The following ARHGAP44 variants were observed in gnomAD, a reference collection of about 807,000 sequenced individuals.
ARHGAP44 encodes the protein rho GTPase-activating protein 44.
In ARHGAP44, 43 loss-of-function variants were observed where a neutral mutation model predicts 106.8. The observed-to-expected ratio is 0.40, with a 90% CI of 0.32 to 0.52. The LOEUF is 0.52. Ranked by LOEUF, ARHGAP44 falls within the 20% of genes least tolerant of loss-of-function variation. The pLI, the probability that ARHGAP44 is intolerant of heterozygous loss-of-function variation, is 0.48. For synonymous variants in ARHGAP44, 439 were observed against 410.3 expected (o/e 1.07, Z -0.85); for missense variants, 866 against 1,050.5 (o/e 0.82, Z 2.43).
chr17:12,816,623 A>G (rs950188048), intron 1 of ARHGAP44, among the ~76,000 whole-genome samples: 1 of 152,228 alleles, frequency 6.6e-6, no homozygotes, highest in Non-Finnish European at 1.5e-5. Context: ...TTATTAATAT[A>G]TCAGATACAG....
chr17:12,901,896 ACT>A (rs2037385300), intron 3 of ARHGAP44, among the ~76,000 whole-genome samples: 1 of 151,696 alleles, frequency 6.6e-6, no homozygotes, highest in African/African-American at 2.4e-5. Flanking sequence ...AGCCCTGCTG[ACT>A]CTTCCTCCAA....
At chr17:12,984,981 G>C in intron 20 of ARHGAP44, 73 bp downstream of exon 20, 1 of 1,512,218 alleles carries the variant, frequency 6.6e-7, no homozygotes, top group South Asian at 1.3e-5. Flanking sequence ...GGGATTGCTA[G>C]TGTTACTGCC....
At chr17:12,847,588 A>T (rs2035606477) in intron 1 of ARHGAP44, among the ~76,000 whole-genome samples, 3 of 138,740 alleles carry the variant, frequency 2.2e-5, no homozygotes, top group South Asian at 4.4e-4. Flanking sequence ...ATCTCGGCTC[A>T]CTGCAAGCTC....
intron 20 of ARHGAP44, chr17:12,988,964 G>C (rs958298535): frequency 2.1e-4 from 32 of 150,934 alleles, no homozygotes; most frequent in African/African-American, 7.6e-4. Context: ...GGGCATGGTG[G>C]TGGGTGCCTG....
chr17:12,943,632 A>G lies in ARHGAP44; in HGVS notation c.696A>G (p.Leu232=), dbSNP rs760967746. The G allele has an allele frequency of 3.1e-6, 5 of 1,613,904 alleles. No individual in the cohort carries two copies. The highest frequency in any genetic ancestry group is 1.7e-6 in the Non-Finnish European group (2 of 1,179,868). ...QAEYHRKSLT[L]LQAVLPQIKA... is the part of the protein sequence containing the mutation. ...AATACCACAGGAAGTCCCTGACACT[A>G]TTGCAGGCTGTATTGCCTCAGATCA... The change falls in exon 9 of 21, where the codon CTA becomes CTG. Residue 232 remains leucine, a synonymous_variant. Transcript: ENST00000379672.
chr17:12,815,596 G>A (rs971342612), intron 1 of ARHGAP44, among the ~76,000 whole-genome samples: 1 of 152,182 alleles, frequency 6.6e-6, no homozygotes, highest in African/African-American at 2.4e-5. Context: ...CCAGTCAGGA[G>A]AAGATAAGAA....
chr17:12,842,849 T>C (rs987815864), intron 1 of ARHGAP44, among the ~76,000 whole-genome samples: 2 of 152,154 alleles, frequency 1.3e-5, no homozygotes, highest in African/African-American at 4.8e-5. Flanking sequence ...AGTCAGGTGG[T>C]ATGTGGAAAT....
At chr17:12,865,125 T>C (rs1056972293) in intron 1 of ARHGAP44, among the ~76,000 whole-genome samples, 2 of 152,212 alleles carry the variant, frequency 1.3e-5, no homozygotes, top group Non-Finnish European at 2.9e-5. Context: ...TGTATAGACA[T>C]TTCCTGGTGA....
At chr17:12,892,083 C>T (rs1296808049) in intron 1 of ARHGAP44, among the ~76,000 whole-genome samples, 1 of 152,350 alleles carries the variant, frequency 6.6e-6, no homozygotes, top group Admixed American at 6.5e-5. Flanking sequence ...AGCCACTGTG[C>T]CCAGCCTTTG....
chr17:12,883,064 TTTAA>T (rs1196973179), intron 1 of ARHGAP44, among the ~76,000 whole-genome samples: 1 of 151,946 alleles, frequency 6.6e-6, no homozygotes, highest in Non-Finnish European at 1.5e-5. Context: ...TGGAATGATG[TTTAA>T]TTACTGGTTT....
At chr17:12,832,242 G>C (rs1180336213) in intron 1 of ARHGAP44, among the ~76,000 whole-genome samples, 1 of 152,162 alleles carries the variant, frequency 6.6e-6, no homozygotes, top group Non-Finnish European at 1.5e-5. Context: ...GGAGTCAGGA[G>C]TGTTGATTGG....
At chr17:12,976,927 A>G (rs972792639) in intron 18 of ARHGAP44, among the ~76,000 whole-genome samples, 1 of 152,142 alleles carries the variant, frequency 6.6e-6, no homozygotes, top group Non-Finnish European at 1.5e-5. Context: ...TCCTTTTTGG[A>G]CACTCCTCAG....
At chr17:12,968,219 G>C (rs1220004916) in intron 16 of ARHGAP44, among the ~76,000 whole-genome samples, 1 of 152,130 alleles carries the variant, frequency 6.6e-6, no homozygotes, top group Non-Finnish European at 1.5e-5. Flanking sequence ...GCCACCTCGG[G>C]TGCTTGAATG....
chr17:12,819,745 C>A (rs2034708545), intron 1 of ARHGAP44, among the ~76,000 whole-genome samples: 1 of 151,982 alleles, frequency 6.6e-6, no homozygotes, highest in African/African-American at 2.4e-5. Context: ...CAATCCTTTG[C>A]TTATGCCAAA....
At chr17:12,987,406 T>C in intron 20 of ARHGAP44, 1 of 410,052 alleles carries the variant, frequency 2.4e-6, no homozygotes, top group Middle Eastern at 5.8e-4. Flanking sequence ...TTCCCCCACC[T>C]TCTCTTTCAC....
chr17:12,924,879 C>G (rs908554363), intron 6 of ARHGAP44, among the ~76,000 whole-genome samples: 1 of 152,196 alleles, frequency 6.6e-6, no homozygotes, highest in African/African-American at 2.4e-5. Context: ...TTAAGCCACC[C>G]AGTCTGTGGT....
chr17:12,879,338 G>C (rs1022342071), intron 1 of ARHGAP44, among the ~76,000 whole-genome samples: 7 of 152,162 alleles, frequency 4.6e-5, no homozygotes, highest in African/African-American at 1.7e-4. Context: ...ATTCCATGGT[G>C]TATATCACAT....
At chr17:12,832,519 T>G (rs888280473) in intron 1 of ARHGAP44, among the ~76,000 whole-genome samples, 1 of 152,232 alleles carries the variant, frequency 6.6e-6, no homozygotes, top group Non-Finnish European at 1.5e-5. Context: ...ACCTTCTGGC[T>G]AATTTGTTAG....
intron 16 of ARHGAP44, among the ~76,000 whole-genome samples, chr17:12,961,433 T>A (rs919439886): frequency 5.3e-5 from 8 of 152,214 alleles, no homozygotes; most frequent in Non-Finnish European, 1.2e-4. Context: ...TTTCAAAATG[T>A]GTATTAAATG....
Sources: allele counts gnomAD v4.1 joint callset (sites outside exome capture counted in the v4.1 genomes callset), GRCh38; gene constraint gnomAD v4.1.1; transcripts MANE v1.5; gene names NCBI Gene and HGNC (gene_info 2026-07-23, HGNC 2026-07-21).